Variants in CCSER1 observed in about 807,000 individuals in gnomAD.
The protein encoded by CCSER1 is coiled-coil serine rich protein 1.
CCSER1 carries 41 observed loss-of-function variants against 82.0 expected under a neutral mutation model. The ratio of observed to expected loss-of-function variants is 0.50; its 90% confidence interval spans 0.39 to 0.65. CCSER1 has a LOEUF of 0.65. CCSER1 is among the 30% of genes least tolerant of loss of function. The probability of loss-of-function intolerance (pLI) is 0.00; values close to 1 mark genes in which losing one functional copy is unlikely to be tolerated. For missense variants in CCSER1, 1,119 were observed against 1,064.2 expected, an observed-to-expected ratio of 1.05 and a Z score of -0.72; for synonymous variants, 414 against 383.9, an observed-to-expected ratio of 1.08 and a Z score of -0.92.
intron 10 of CCSER1, among the ~76,000 whole-genome samples, chr4:91,517,150 T>C (rs1760172534): frequency 6.6e-6 from 1 of 152,182 alleles, no homozygotes; most frequent in Non-Finnish European, 1.5e-5. Flanking sequence ...AAAAATGAGA[T>C]AGTTTGACTT....
chr4:91,051,989 C>T (rs1040428440), intron 9 of CCSER1, among the ~76,000 whole-genome samples: 1 of 151,946 alleles, frequency 6.6e-6, no homozygotes, highest in Non-Finnish European at 1.5e-5. Context: ...AAGGAAAAGA[C>T]ATGCAATTGT....
intron 3 of CCSER1, among the ~76,000 whole-genome samples, chr4:90,331,197 T>C (rs1213650471): frequency 6.6e-6 from 1 of 152,044 alleles, no homozygotes; most frequent in Non-Finnish European, 1.5e-5. Context: ...TTTTTTCTTT[T>C]TTTTTCTTTT....
intron 10 of CCSER1, among the ~76,000 whole-genome samples, chr4:91,172,860 A>G (rs1006503870): frequency 6.6e-6 from 1 of 152,190 alleles, no homozygotes; most frequent in Non-Finnish European, 1.5e-5. Context: ...GCTAATCTAA[A>G]CTCATAGAAG....
intron 10 of CCSER1, among the ~76,000 whole-genome samples, chr4:91,162,703 G>T (rs1012178238): frequency 6.6e-6 from 1 of 152,042 alleles, no homozygotes; most frequent in Admixed American, 6.6e-5. Context: ...TCTAGGTTTT[G>T]TAGTTTATTT....
intron 7 of CCSER1, among the ~76,000 whole-genome samples, chr4:90,739,758 T>C (rs1288262940): frequency 1.3e-5 from 2 of 152,190 alleles, no homozygotes; most frequent in Non-Finnish European, 2.9e-5. Flanking sequence ...GTTCCAATGC[T>C]AAGTTCCACA....
At chr4:91,148,143 C>A (rs2214387) in intron 10 of CCSER1, among the ~76,000 whole-genome samples, 54,579 of 151,984 alleles carry the variant, frequency 0.36, 11,063 homozygotes, top group Non-Finnish European at 0.46. Flanking sequence ...TATGATAATG[C>A]AATATATGTA....
chr4:91,082,908 A>G (rs1184079333), intron 9 of CCSER1, among the ~76,000 whole-genome samples: 1 of 152,172 alleles, frequency 6.6e-6, no homozygotes, highest in Non-Finnish European at 1.5e-5. Context: ...AAGTCAGGAA[A>G]CTACAGATGC....
chr4:90,154,373 G>T (rs1003509209), intron 1 of CCSER1, among the ~76,000 whole-genome samples: 44 of 152,142 alleles, frequency 2.9e-4, no homozygotes, highest in African/African-American at 1.0e-3. Context: ...CTCTTTTTTG[G>T]TTCCATATGA....
intron 3 of CCSER1, among the ~76,000 whole-genome samples, chr4:90,372,043 A>G (rs1372434675): frequency 6.6e-6 from 1 of 152,206 alleles, no homozygotes; most frequent in African/African-American, 2.4e-5. Flanking sequence ...GACTTGTTCA[A>G]CTACTGATCA....
At chr4:90,622,499 A>G (rs1038198193) in intron 5 of CCSER1, among the ~76,000 whole-genome samples, 4 of 151,982 alleles carry the variant, frequency 2.6e-5, no homozygotes, top group Admixed American at 6.6e-5. Context: ...ATTCCCACCT[A>G]TGAGTGAGAA....
intron 9 of CCSER1, among the ~76,000 whole-genome samples, chr4:90,946,308 A>G (rs139641038): frequency 6.2e-4 from 95 of 152,260 alleles, no homozygotes; most frequent in Middle Eastern, 3.4e-3. Flanking sequence ...ACAACAGCAA[A>G]CTCAAGAAAG....
chr4:91,046,801 C>T (rs573251762), intron 9 of CCSER1, among the ~76,000 whole-genome samples: 7 of 151,648 alleles, frequency 4.6e-5, no homozygotes, highest in East Asian at 3.9e-4. Context: ...CACTACAACC[C>T]GCACCTCCCA....
At chr4:91,352,321 G>T (rs114010693) in intron 10 of CCSER1, among the ~76,000 whole-genome samples, 1 of 152,042 alleles carries the variant, frequency 6.6e-6, no homozygotes, top group Non-Finnish European at 1.5e-5. Flanking sequence ...ATCTCCGCTC[G>T]CTACAACCTC....
rs1767741609 is a variant in CCSER1, at chr4:90,490,091, C to A, written c.1724+21737C>A. 3.9e-5 allele frequency among the ~76,000 whole-genome samples: 6 copies of A among 152,166 alleles called. No homozygotes were observed. In the South Asian group the frequency reaches 1.2e-3, roughly 31 times the overall value. ...TTCTAGTTCGATATCCCTGAGGAAT[C>A]ACCACACTGTCTTCCACAATGGTTG... On this transcript the variant is annotated intron_variant, in intron 5 of 10. Transcript: ENST00000509176.
intron 10 of CCSER1, among the ~76,000 whole-genome samples, chr4:91,459,489 G>A (rs1220978410): frequency 6.6e-6 from 1 of 152,122 alleles, no homozygotes; most frequent in Non-Finnish European, 1.5e-5. Context: ...AGACTGCCAA[G>A]TAACACAGGA....
intron 4 of CCSER1, among the ~76,000 whole-genome samples, chr4:90,441,835 G>C (rs1190970611): frequency 6.6e-6 from 1 of 152,202 alleles, no homozygotes; most frequent in East Asian, 1.9e-4. Flanking sequence ...TTATAGATGT[G>C]ATATATCTAC....
intron 8 of CCSER1, among the ~76,000 whole-genome samples, chr4:90,879,997 G>A (rs1021810471): frequency 1.3e-5 from 2 of 152,182 alleles, no homozygotes. Flanking sequence ...TGCTAGCAAA[G>A]TATTTTTTGT....
At chr4:90,844,118 TA>T (rs1762906159) in intron 8 of CCSER1, among the ~76,000 whole-genome samples, 1 of 151,106 alleles carries the variant, frequency 6.6e-6, no homozygotes, top group Non-Finnish European at 1.5e-5. Context: ...TGTGTATGTA[TA>T]TATATATATC....
intron 4 of CCSER1, among the ~76,000 whole-genome samples, chr4:90,423,506 G>A (rs1757034831): frequency 6.6e-6 from 1 of 151,916 alleles, no homozygotes. Flanking sequence ...ATACAGGTGT[G>A]AGCCACCGCT....
Sources: allele counts gnomAD v4.1 joint callset (sites outside exome capture counted in the v4.1 genomes callset), GRCh38; gene constraint gnomAD v4.1.1; transcripts MANE v1.5; gene names NCBI Gene and HGNC (gene_info 2026-07-23, HGNC 2026-07-21).